The following LHFPL2 variants were observed in gnomAD, a reference collection of about 807,000 sequenced individuals.
LHFPL2 encodes the protein LHFPL tetraspan subfamily member 2.
A neutral mutation model predicts 17.5 loss-of-function variants in LHFPL2; 7 were observed. The ratio of observed to expected loss-of-function variants is 0.40; its 90% CI spans 0.23 to 0.75. LHFPL2 has a LOEUF of 0.75. LHFPL2 is among the 30% of genes least tolerant of loss of function. The pLI is 0.37. For synonymous variants in LHFPL2, 134 were observed against 116.2 expected (o/e 1.15, Z -0.99); for missense variants, 241 against 294.8 (o/e 0.82, Z 1.34).
chr5:78,590,308 A>G (rs1009294421), intron 2 of LHFPL2: 10 of 152,342 alleles, frequency 6.6e-5, no homozygotes, highest in Middle Eastern at 6.8e-3. Flanking sequence ...AGTATCTGGC[A>G]AGAGAGCAGA....
chr5:78,486,604 G>GT lies in LHFPL2; in HGVS notation c.*2292dup, dbSNP rs1754251166. 1 of 152,270 alleles carries GT rather than the reference G, an allele frequency of 6.6e-6. No homozygotes were observed. The highest frequency in any genetic ancestry group is 2.4e-5 in the African/African-American group (1 of 41,456). The allele number at this position is 152,270 out of a possible 1,614,324, so 9.4% of individuals were successfully genotyped here. ...TATTTACTAAGTCAGTGTTTAGGTA[G>GT]TTTTTAGTGGTTTGGGGTTCTGTGT... On this transcript the variant is annotated 3_prime_UTR_variant, in exon 5 of 5. Transcript: ENST00000380345.
chr5:78,564,352 G>A (rs1022977955), intron 3 of LHFPL2, among the ~76,000 whole-genome samples: 13 of 152,086 alleles, frequency 8.5e-5, no homozygotes, highest in African/African-American at 1.2e-4. Flanking sequence ...TCACCTATTA[G>A]TCAACTGTTT....
At chr5:78,567,753 T>C (rs1265153939) in intron 2 of LHFPL2, among the ~76,000 whole-genome samples, 3 of 152,162 alleles carry the variant, frequency 2.0e-5, no homozygotes, top group Non-Finnish European at 2.9e-5. Context: ...CAAATCCGTA[T>C]ACATGATCAC....
At chr5:78,610,058 G>A (rs1744365523) in intron 2 of LHFPL2, among the ~76,000 whole-genome samples, 2 of 151,914 alleles carry the variant, frequency 1.3e-5, no homozygotes. Context: ...GCCTGCCAGG[G>A]GACTAGAGTC....
At chr5:78,600,812 A>G (rs1358193353) in intron 2 of LHFPL2, among the ~76,000 whole-genome samples, 1 of 152,188 alleles carries the variant, frequency 6.6e-6, no homozygotes, top group Non-Finnish European at 1.5e-5. Flanking sequence ...TACTAACAAA[A>G]TAGTATGAAG....
chr5:78,614,214 C>T (rs929154050), intron 2 of LHFPL2, among the ~76,000 whole-genome samples: 3 of 152,236 alleles, frequency 2.0e-5, no homozygotes, highest in Admixed American at 6.5e-5. Flanking sequence ...TCACCCTCAG[C>T]GTCCAGGGGC....
rs563616991 is a variant in LHFPL2 at position 78,579,982 on chromosome 5, C to T, written c.-244-15111G>A. On this transcript the variant is annotated intron_variant, in intron 2 of 4. Transcript: ENST00000380345. Reference sequence around the variant, plus strand: ...TCCCACCAACAGTGTAAAAGTGTTCCTATTTCTCCACATCCTCTCCAGCAC... The same window carrying T: ...TCCCACCAACAGTGTAAAAGTGTTCTTATTTCTCCACATCCTCTCCAGCAC... Among the ~76,000 whole-genome samples the T allele has an allele frequency of 1.2e-4, 19 of 152,282 alleles. No homozygotes were observed. In the East Asian group the frequency reaches 3.7e-3, roughly 29 times the overall value.
chr5:78,524,846 T>G (rs1027319312), intron 3 of LHFPL2, among the ~76,000 whole-genome samples: 1 of 152,212 alleles, frequency 6.6e-6, no homozygotes, highest in Non-Finnish European at 1.5e-5. Context: ...TTTTTCTCCC[T>G]GTTGAGTATT....
intron 3 of LHFPL2, among the ~76,000 whole-genome samples, chr5:78,526,480 G>T (rs980110109): frequency 6.6e-6 from 1 of 152,202 alleles, no homozygotes; most frequent in East Asian, 1.9e-4. Context: ...CTGTCTTTGC[G>T]GTCTTCTTCT....
At chr5:78,637,877 G>A (rs1051032316) in intron 1 of LHFPL2, among the ~76,000 whole-genome samples, 4 of 152,132 alleles carry the variant, frequency 2.6e-5, no homozygotes, top group Non-Finnish European at 5.9e-5. Context: ...GATGGGGTAG[G>A]GACTTCTACC....
chr5:78,632,194 T>C (rs983312864), intron 2 of LHFPL2, 70 bp downstream of exon 2: 2 of 152,220 alleles, frequency 1.3e-5, no homozygotes, highest in African/African-American at 4.8e-5. Context: ...AAGGATTTTC[T>C]TTCTATTGAA....
intron 1 of LHFPL2, among the ~76,000 whole-genome samples, chr5:78,639,617 C>T (rs930149469): frequency 5.6e-5 from 8 of 141,932 alleles, no homozygotes; most frequent in African/African-American, 5.4e-5. Flanking sequence ...CTTCTAAGAA[C>T]GGACAGTTGG....
At chr5:78,518,478 T>A (rs138828020) in intron 3 of LHFPL2, among the ~76,000 whole-genome samples, 58 of 152,366 alleles carry the variant, frequency 3.8e-4, no homozygotes, top group African/African-American at 1.3e-3. Context: ...ATATTTAGGA[T>A]TCATATTACG....
chr5:78,491,269 T>G (rs1754436850), intron 4 of LHFPL2: 1 of 152,222 alleles, frequency 6.6e-6, no homozygotes, highest in Non-Finnish European at 1.5e-5. Context: ...GAGGGGTGAT[T>G]CACAAGGAAG....
intron 3 of LHFPL2, among the ~76,000 whole-genome samples, chr5:78,523,355 C>G (rs1435910810): frequency 6.6e-6 from 1 of 152,112 alleles, no homozygotes; most frequent in Non-Finnish European, 1.5e-5. Context: ...CCCTTAACTA[C>G]TTTAAATATG....
chr5:78,534,336 G>C (rs530479120), intron 3 of LHFPL2, among the ~76,000 whole-genome samples: 2 of 152,168 alleles, frequency 1.3e-5, no homozygotes, highest in African/African-American at 2.4e-5. Context: ...AGAAATGGCC[G>C]GGAGTCCAGG....
At chr5:78,623,462 A>G (rs1470191072) in intron 2 of LHFPL2, among the ~76,000 whole-genome samples, 2 of 152,206 alleles carry the variant, frequency 1.3e-5, no homozygotes, top group Non-Finnish European at 2.9e-5. Context: ...GATTGCTTTA[A>G]AAAGAGAAAG....
At chr5:78,505,371 G>A (rs949049901) in intron 4 of LHFPL2, among the ~76,000 whole-genome samples, 2 of 152,154 alleles carry the variant, frequency 1.3e-5, no homozygotes, top group African/African-American at 2.4e-5. Context: ...GATTTACTCC[G>A]CCAGGAGAAT....
intron 2 of LHFPL2, among the ~76,000 whole-genome samples, chr5:78,569,081 C>T (rs1209569346): frequency 1.3e-5 from 2 of 152,102 alleles, no homozygotes; most frequent in Non-Finnish European, 2.9e-5. Flanking sequence ...CGTAAGATGC[C>T]TGCAACCATC....
Sources: gnomAD v4.1 joint callset for allele counts (sites outside exome capture counted in the v4.1 genomes callset) on GRCh38, gnomAD v4.1.1 for gene constraint, MANE v1.5 for transcripts, NCBI Gene and HGNC (gene_info 2026-07-23, HGNC 2026-07-21) for gene names.